MAGI2: variants seen among roughly 807,000 people sequenced by gnomAD.
MAGI2 encodes membrane-associated guanylate kinase, WW and PDZ domain-containing protein 2.
In MAGI2, 35 loss-of-function variants were observed where a neutral mutation model predicts 133.3. That is an observed-to-expected ratio of 0.26 (90% CI 0.20 to 0.35). The LOEUF is 0.35. Ranked by LOEUF, MAGI2 falls within the 10% of genes least tolerant of loss-of-function variation. MAGI2 has a pLI of 1.00. For synonymous variants in MAGI2, 729 were observed against 710.6 expected (o/e 1.03, Z -0.41); for missense variants, 1,636 against 1,863.4 (o/e 0.88, Z 2.25).
chr7:78,694,736 G>A (rs1475388892), intron 2 of MAGI2, among the ~76,000 whole-genome samples: 2 of 152,132 alleles, frequency 1.3e-5, no homozygotes, highest in African/African-American at 2.4e-5. Flanking sequence ...TTGAGACATA[G>A]CTTATAAAGG....
intron 9 of MAGI2, among the ~76,000 whole-genome samples, chr7:78,276,804 G>A (rs12535878): frequency 0.011 from 1,638 of 152,206 alleles, 16 homozygotes; most frequent in Non-Finnish European, 0.017. Context: ...TCACTGGTGT[G>A]CATGAAAATT....
intron 2 of MAGI2, among the ~76,000 whole-genome samples, chr7:78,944,267 A>G (rs1488120678): frequency 1.3e-5 from 2 of 152,062 alleles, no homozygotes; most frequent in Non-Finnish European, 2.9e-5. Context: ...ATCCCTCACA[A>G]TGTGACCAGA....
intron 1 of MAGI2, among the ~76,000 whole-genome samples, chr7:79,192,359 G>A (rs1476199599): frequency 6.6e-6 from 1 of 151,660 alleles, no homozygotes; most frequent in African/African-American, 2.4e-5. Flanking sequence ...AGGCATTTAA[G>A]AAATACTTTA....
At chr7:78,295,594 C>T (rs1456059860) in intron 9 of MAGI2, among the ~76,000 whole-genome samples, 1 of 152,178 alleles carries the variant, frequency 6.6e-6, no homozygotes, top group Non-Finnish European at 1.5e-5. Flanking sequence ...GTTCCTATCA[C>T]AATGACTGTT....
intron 16 of MAGI2, among the ~76,000 whole-genome samples, chr7:78,138,933 G>A (rs1323500456): frequency 2.0e-5 from 3 of 152,140 alleles, no homozygotes; most frequent in East Asian, 3.9e-4. Flanking sequence ...AAGAGCAAGC[G>A]AATGACTATT....
intron 10 of MAGI2, among the ~76,000 whole-genome samples, chr7:78,223,312 A>C (rs1563285259): frequency 6.6e-6 from 1 of 152,104 alleles, no homozygotes. Context: ...CACTTTTAAG[A>C]GCTTTCTGTA....
chr7:79,300,213 A>AG (rs1837289270), intron 1 of MAGI2, among the ~76,000 whole-genome samples: 1 of 152,188 alleles, frequency 6.6e-6, no homozygotes, highest in Admixed American at 6.5e-5. Flanking sequence ...GAGGGCTCAG[A>AG]GGAAGACAAG....
chr7:78,073,324 G>C (rs991609475), intron 21 of MAGI2, among the ~76,000 whole-genome samples: 1 of 151,658 alleles, frequency 6.6e-6, no homozygotes, highest in Admixed American at 6.6e-5. Context: ...CTCCCCCTTG[G>C]TGTGGGTATG....
chr7:78,906,971 C>T (rs889294566), intron 2 of MAGI2, among the ~76,000 whole-genome samples: 2 of 152,188 alleles, frequency 1.3e-5, no homozygotes, highest in African/African-American at 2.4e-5. Context: ...GGGTGAGTCT[C>T]AGCAAGTCCA....
At chr7:78,606,609 T>G (rs1805842207) in intron 3 of MAGI2, among the ~76,000 whole-genome samples, 1 of 152,136 alleles carries the variant, frequency 6.6e-6, no homozygotes, top group Non-Finnish European at 1.5e-5. Flanking sequence ...GTATATATTC[T>G]ATAAAATGTC....
intron 2 of MAGI2, among the ~76,000 whole-genome samples, chr7:78,955,724 T>TCTCTTTCTTTCTTC (rs1562712726): frequency 4.8e-5 from 1 of 20,944 alleles, no homozygotes; most frequent in African/African-American, 1.3e-4. Flanking sequence ...TCTTTCTTTC[T>TCTCTTTCTTTCTTC]CTTTCTTTCT....
At chr7:79,192,303 G>T (rs1374787634) in intron 1 of MAGI2, among the ~76,000 whole-genome samples, 2 of 151,774 alleles carry the variant, frequency 1.3e-5, no homozygotes, top group Non-Finnish European at 2.9e-5. Flanking sequence ...GTTCACTGCT[G>T]TATCTCTGCA....
chr7:78,838,067 C>CT (rs921811093), intron 2 of MAGI2, among the ~76,000 whole-genome samples: 9 of 152,216 alleles, frequency 5.9e-5, no homozygotes, highest in African/African-American at 1.4e-4. Flanking sequence ...AATGCATCCA[C>CT]TTTTTTCTGA....
chr7:78,797,055 A>C (rs1372127037), intron 2 of MAGI2, among the ~76,000 whole-genome samples: 3 of 152,170 alleles, frequency 2.0e-5, no homozygotes, highest in Non-Finnish European at 4.4e-5. Context: ...AATAAGTTCT[A>C]GTATTCGATA....
intron 2 of MAGI2, among the ~76,000 whole-genome samples, chr7:78,755,556 G>A (rs966354848): frequency 2.0e-5 from 3 of 151,978 alleles, no homozygotes; most frequent in Non-Finnish European, 4.4e-5. Context: ...GTGTCTTCAA[G>A]GAAAAAGGCT....
chr7:78,949,111 T>C (rs571388548), intron 2 of MAGI2, among the ~76,000 whole-genome samples: 72 of 152,234 alleles, frequency 4.7e-4, no homozygotes, highest in Middle Eastern at 3.4e-3. Context: ...AGTTTTATTG[T>C]GAAAGCAACA....
chr7:78,999,522 A>C (rs1806647978), intron 2 of MAGI2, among the ~76,000 whole-genome samples: 1 of 152,214 alleles, frequency 6.6e-6, no homozygotes, highest in Non-Finnish European at 1.5e-5. Context: ...AATCGAAAGA[A>C]GAAATAAATC....
At chr7:79,163,272 T>C (rs1433700823) in intron 1 of MAGI2, among the ~76,000 whole-genome samples, 1 of 152,200 alleles carries the variant, frequency 6.6e-6, no homozygotes, top group East Asian at 1.9e-4. Flanking sequence ...GCCTCCCAGG[T>C]TCAAGTGATT....
Position 78,019,589 on chromosome 7 carries a change from CCGCCCGCCCGCGCCG to C in MAGI2, c.4079_4093del (p.Ala1360_Gly1364del). ...CGCCGCCGCACGGGGCGCCTCCTTCCCGCCCGCCCGCGCCGCGTCCGCCGCGTCTGCCGCCGCGAG... is the reference window on the plus strand; with the variant it reads ...CGCCGCCGCACGGGGCGCCTCCTTCCCGTCCGCCGCGTCTGCCGCCGCGAG... On this transcript the variant is annotated inframe_deletion, in exon 22 of 22. Coordinates refer to ENST00000354212, the MANE Select transcript of MAGI2 (RefSeq NM_012301.4). The C allele has an allele frequency of 1.0e-6, 1 of 980,770 alleles. No individual in the cohort carries two copies. Among genetic ancestry groups the C allele is most frequent in the Non-Finnish European group, 1.2e-6 (1 of 828,422 alleles). 60.8% of individuals were successfully genotyped at this position (980,770 alleles called of 1,614,324 possible). A position where few individuals can be genotyped will look rare whatever the true frequency, so the allele number is the denominator to read the frequency against.
Sources: allele counts gnomAD v4.1 joint callset (sites outside exome capture counted in the v4.1 genomes callset), GRCh38; gene constraint gnomAD v4.1.1; transcripts MANE v1.5; gene names NCBI Gene and HGNC (gene_info 2026-07-23, HGNC 2026-07-21).